Variants in EXOC6B observed in about 807,000 individuals in gnomAD.
EXOC6B encodes exocyst complex component 6B.
EXOC6B carries 54 observed loss-of-function variants against 113.5 expected under a neutral mutation model. The observed-to-expected ratio is 0.48, with a 90% CI of 0.38 to 0.60. The LOEUF (loss-of-function observed/expected upper bound fraction) is 0.60. EXOC6B is among the 20% of genes least tolerant of loss of function. EXOC6B has a pLI of 0.00. For synonymous variants in EXOC6B, 357 were observed against 339.0 expected (o/e 1.05, Z -0.58); for missense variants, 797 against 977.5 (o/e 0.82, Z 2.46).
chr2:72,484,674 C>G (rs1699325907), intron 16 of EXOC6B, among the ~76,000 whole-genome samples: 1 of 152,076 alleles, frequency 6.6e-6, no homozygotes, highest in South Asian at 2.1e-4. Context: ...TTGTTCAACT[C>G]CCACTTATGA....
intron 7 of EXOC6B, among the ~76,000 whole-genome samples, chr2:72,567,944 C>A (rs567060840): frequency 5.9e-5 from 9 of 151,894 alleles, no homozygotes; most frequent in Admixed American, 3.9e-4. Context: ...ACATATGATT[C>A]CAGAAAGTGG....
chr2:72,671,204 ACAAT>A (rs1038296403), intron 6 of EXOC6B, among the ~76,000 whole-genome samples: 1 of 152,242 alleles, frequency 6.6e-6, no homozygotes, highest in Non-Finnish European at 1.5e-5. Context: ...AATAAAAGAA[ACAAT>A]CAAGAAGGTG....
At chr2:72,335,186 G>A (rs993962171) in intron 19 of EXOC6B, 166 bp from the exon 20 acceptor site, 42 of 615,002 alleles carry the variant, frequency 6.8e-5, no homozygotes, top group South Asian at 2.2e-4. Context: ...TTCAAAATTC[G>A]TGTCATCAAA....
intron 6 of EXOC6B, among the ~76,000 whole-genome samples, chr2:72,626,817 T>C (rs564913539): frequency 7.9e-4 from 120 of 151,886 alleles, no homozygotes; most frequent in Middle Eastern, 6.8e-3. Context: ...ACCCCTTTTT[T>C]GTTTTTATAT....
At chr2:72,714,785 G>T (rs1679501134) in intron 6 of EXOC6B, among the ~76,000 whole-genome samples, 1 of 152,096 alleles carries the variant, frequency 6.6e-6, no homozygotes, top group Non-Finnish European at 1.5e-5. Context: ...CAAGGGCTAT[G>T]CTCCCCAACC....
At chr2:72,278,817 T>TA in intron 20 of EXOC6B, among the ~76,000 whole-genome samples, 1 of 152,170 alleles carries the variant, frequency 6.6e-6, no homozygotes, top group East Asian at 1.9e-4. Context: ...CATAAAGGGT[T>TA]AAAGGAGACA....
At chr2:72,455,800 G>T (rs1259547882) in intron 18 of EXOC6B, among the ~76,000 whole-genome samples, 1 of 151,978 alleles carries the variant, frequency 6.6e-6, no homozygotes, top group Non-Finnish European at 1.5e-5. Flanking sequence ...ATATACATGG[G>T]TGTATATCTA....
intron 16 of EXOC6B, among the ~76,000 whole-genome samples, chr2:72,484,774 A>T (rs1000505083): frequency 8.5e-5 from 13 of 152,144 alleles, no homozygotes; most frequent in African/African-American, 3.1e-4. Flanking sequence ...TGCAAAAGAC[A>T]TGATCTCATT....
intron 6 of EXOC6B, among the ~76,000 whole-genome samples, chr2:72,606,635 C>CT (rs1050116094): frequency 3.4e-5 from 5 of 148,550 alleles, no homozygotes; most frequent in African/African-American, 7.4e-5. Flanking sequence ...TTCTTTCTTT[C>CT]TTTTTTTTTT....
intron 19 of EXOC6B, among the ~76,000 whole-genome samples, chr2:72,355,901 G>T (rs1343562058): frequency 6.6e-6 from 1 of 151,908 alleles, no homozygotes; most frequent in African/African-American, 2.4e-5. Context: ...ATTTTTATTG[G>T]GTTCAAACTT....
At chr2:72,180,293 C>T (rs1319415016) in intron 21 of EXOC6B, among the ~76,000 whole-genome samples, 2 of 152,268 alleles carry the variant, frequency 1.3e-5, no homozygotes, top group East Asian at 1.9e-4. Flanking sequence ...GACAGACAGC[C>T]CTAACTGGGA....
chr2:72,386,401 T>C (rs1190117470), intron 18 of EXOC6B, among the ~76,000 whole-genome samples: 1 of 152,180 alleles, frequency 6.6e-6, no homozygotes, highest in Non-Finnish European at 1.5e-5. Context: ...TAAGTGTTGA[T>C]AGCCAAGACA....
At chr2:72,332,017 T>G (rs564643635) in intron 20 of EXOC6B, among the ~76,000 whole-genome samples, 2 of 152,088 alleles carry the variant, frequency 1.3e-5, no homozygotes, top group Non-Finnish European at 2.9e-5. Flanking sequence ...ATTGATACTG[T>G]CTGAAACTCT....
chr2:72,802,343 G>T (rs1403302353), intron 1 of EXOC6B, among the ~76,000 whole-genome samples: 2 of 150,516 alleles, frequency 1.3e-5, no homozygotes, highest in South Asian at 4.2e-4. Flanking sequence ...AAAAAAAAGT[G>T]TCTGCTAAAA....
chr2:72,770,564 T>C (rs566114175), intron 1 of EXOC6B, among the ~76,000 whole-genome samples: 2 of 152,336 alleles, frequency 1.3e-5, no homozygotes, highest in African/African-American at 4.8e-5. Context: ...ATATATTAAG[T>C]CAATTCACAT....
intron 20 of EXOC6B, among the ~76,000 whole-genome samples, chr2:72,194,007 A>G (rs1029468359): frequency 1.3e-5 from 2 of 152,206 alleles, no homozygotes; most frequent in Admixed American, 1.3e-4. Context: ...CAGAGACCAT[A>G]TGACATGGGA....
At chr2:72,454,754 ATAC>A (rs1169571821) in intron 18 of EXOC6B, among the ~76,000 whole-genome samples, 2 of 152,220 alleles carry the variant, frequency 1.3e-5, no homozygotes, top group Admixed American at 6.5e-5. Flanking sequence ...TACTGGCTGG[ATAC>A]TACCAGAAAG....
At chr2:72,536,386 A>G (rs954288924) in intron 8 of EXOC6B, among the ~76,000 whole-genome samples, 15 of 152,162 alleles carry the variant, frequency 9.9e-5, no homozygotes, top group Non-Finnish European at 1.5e-4. Context: ...TGAAATCTAT[A>G]TGTATATATT....
At chr2:72,601,926 A>G (rs1670458938) in intron 6 of EXOC6B, among the ~76,000 whole-genome samples, 1 of 152,222 alleles carries the variant, frequency 6.6e-6, no homozygotes, top group African/African-American at 2.4e-5. Context: ...AAGGCTAGAT[A>G]CTGTATGATT....
Sources: gnomAD v4.1 joint callset for allele counts (sites outside exome capture counted in the v4.1 genomes callset) on GRCh38, gnomAD v4.1.1 for gene constraint, MANE v1.5 for transcripts, NCBI Gene and HGNC (gene_info 2026-07-23, HGNC 2026-07-21) for gene names.